SLC35D4: variants seen among roughly 807,000 people sequenced by gnomAD.
SLC35D4 encodes UDP-N-acetylglucosamine transporter SLC35D4.
the SLC35D4 span, among the ~76,000 whole-genome samples, chr18:23,245,600 C>G: frequency 5.0e-3 from 760 of 152,228 alleles, 9 homozygotes; most frequent in African/African-American, 0.017. Context: ...TTCTCTTTTC[C>G]TGTTATCTCA....
At chr18:23,382,167 G>C in the SLC35D4 span, among the ~76,000 whole-genome samples, 1 of 148,642 alleles carries the variant, frequency 6.7e-6, no homozygotes, top group Non-Finnish European at 1.5e-5. Flanking sequence ...TTGAACCCGG[G>C]CAGCGTAGGT....
chr18:23,381,966 G>A, the SLC35D4 span, among the ~76,000 whole-genome samples: 1 of 152,188 alleles, frequency 6.6e-6, no homozygotes, highest in Non-Finnish European at 1.5e-5. Context: ...CCAGCCAGGT[G>A]CAGTGGCTCA....
At chr18:23,418,705 T>C in the SLC35D4 span, among the ~76,000 whole-genome samples, 1 of 150,732 alleles carries the variant, frequency 6.6e-6, no homozygotes, top group African/African-American at 2.4e-5. Context: ...GCCAAAGGAG[T>C]GACTTAACAA....
At chr18:23,240,402 C>T in the SLC35D4 span, among the ~76,000 whole-genome samples, 1 of 152,198 alleles carries the variant, frequency 6.6e-6, no homozygotes, top group Non-Finnish European at 1.5e-5. Flanking sequence ...ATGATGATGC[C>T]GACAAACCCT....
the SLC35D4 span, among the ~76,000 whole-genome samples, chr18:23,368,352 T>C: frequency 1.3e-5 from 2 of 152,060 alleles, no homozygotes; most frequent in Non-Finnish European, 2.9e-5. Context: ...TGGGAATGAG[T>C]TGGGAAGATG....
chr18:23,261,685 A>G, the SLC35D4 span, among the ~76,000 whole-genome samples: 2 of 152,128 alleles, frequency 1.3e-5, no homozygotes, highest in Non-Finnish European at 2.9e-5. Flanking sequence ...CCTCAAATAC[A>G]CTCAGAACAC....
the SLC35D4 span, among the ~76,000 whole-genome samples, chr18:23,345,849 T>C: frequency 6.6e-6 from 1 of 152,182 alleles, no homozygotes; most frequent in East Asian, 1.9e-4. Flanking sequence ...AAAGGTTTTA[T>C]AGTTTTCAAT....
chr18:23,405,453 G>A, the SLC35D4 span, among the ~76,000 whole-genome samples: 1 of 152,182 alleles, frequency 6.6e-6, no homozygotes, highest in East Asian at 1.9e-4. Context: ...GCCTCCCAAA[G>A]TGCTGGGATT....
chr18:23,281,870 T>C, the SLC35D4 span, among the ~76,000 whole-genome samples: 575 of 152,316 alleles, frequency 3.8e-3, 6 homozygotes, highest in African/African-American at 0.013. Context: ...CAGAGACGTC[T>C]GTAACAAAGA....
chr18:23,309,573 C>A, the SLC35D4 span: 1 of 924,376 alleles, frequency 1.1e-6, no homozygotes, highest in East Asian at 2.5e-5. Context: ...GATGGAGATA[C>A]ACAGCCAACG....
chr18:23,330,124 C>T, the SLC35D4 span, among the ~76,000 whole-genome samples: 1 of 151,968 alleles, frequency 6.6e-6, no homozygotes, highest in African/African-American at 2.4e-5. Flanking sequence ...TGCAGCAAAC[C>T]AACATGGCAG....
At chr18:23,341,682 G>T in the SLC35D4 span, among the ~76,000 whole-genome samples, 1 of 152,140 alleles carries the variant, frequency 6.6e-6, no homozygotes, top group South Asian at 2.1e-4. Flanking sequence ...GTGGTTCAAA[G>T]AATGGATACA....
chr18:23,343,850 A>G, the SLC35D4 span, among the ~76,000 whole-genome samples: 3 of 151,068 alleles, frequency 2.0e-5, no homozygotes, highest in African/African-American at 7.3e-5. Context: ...TTCGCTTGGG[A>G]TAATGGCCTC....
At chr18:23,298,003 T>C in the SLC35D4 span, 1 of 1,613,216 alleles carries the variant, frequency 6.2e-7, no homozygotes, top group African/African-American at 1.3e-5. Context: ...CTTGACCGTC[T>C]TGTTCAGGAG....
chr18:23,293,798 A>G, the SLC35D4 span, among the ~76,000 whole-genome samples: 1 of 152,132 alleles, frequency 6.6e-6, no homozygotes, highest in Admixed American at 6.5e-5. Flanking sequence ...TTTTTCTTTT[A>G]TTGTTATTTT....
At chr18:23,437,945 A>AGCG in the SLC35D4 span, 2 of 1,402,994 alleles carry the variant, frequency 1.4e-6, no homozygotes, top group Non-Finnish European at 2.0e-6. Flanking sequence ...CGGCAGCGGC[A>AGCG]GCAGCCGCCC....
At chr18:23,363,617 A>G in the SLC35D4 span, among the ~76,000 whole-genome samples, 3 of 151,308 alleles carry the variant, frequency 2.0e-5, no homozygotes, top group Admixed American at 6.6e-5. Flanking sequence ...CTCGTGATCC[A>G]CCCGCCTCAG....
chr18:23,290,624 G>A, the SLC35D4 span, among the ~76,000 whole-genome samples: 2 of 120,546 alleles, frequency 1.7e-5, no homozygotes, highest in Non-Finnish European at 3.4e-5. Flanking sequence ...AACTCACTCT[G>A]AAATTCTTTT....
At chr18:23,290,884 C>T in the SLC35D4 span, among the ~76,000 whole-genome samples, 28 of 151,896 alleles carry the variant, frequency 1.8e-4, no homozygotes, top group African/African-American at 6.3e-4. Flanking sequence ...GTGATCCACC[C>T]GCCTCGGCCT....
Sources: allele counts gnomAD v4.1 joint callset (sites outside exome capture counted in the v4.1 genomes callset), GRCh38; gene constraint gnomAD v4.1.1; transcripts MANE v1.5; gene names NCBI Gene and HGNC (gene_info 2026-07-23, HGNC 2026-07-21).